Variants in GALNT13 observed in about 807,000 individuals in gnomAD.
GALNT13 encodes the protein UDP-GalNAc:polypeptide N-acetylgalactosaminyltransferase 13.
In GALNT13, 28 loss-of-function variants were observed where a neutral mutation model predicts 64.2. That is an observed-to-expected ratio of 0.44 (90% CI 0.32 to 0.60). GALNT13 has a LOEUF of 0.60. GALNT13 is among the 20% of genes least tolerant of loss of function. GALNT13 has a pLI of 0.05. For missense variants in GALNT13, 577 were observed against 669.8 expected, an observed-to-expected ratio of 0.86 and a Z score of 1.53; for synonymous variants, 214 against 224.6, an observed-to-expected ratio of 0.95 and a Z score of 0.42.
At chr2:153,731,246 T>C in the GALNT13 span, among the ~76,000 whole-genome samples, 1 of 151,822 alleles carries the variant, frequency 6.6e-6, no homozygotes, top group Non-Finnish European at 1.5e-5. Context: ...CCAAATACAA[T>C]AACTCAGAAA....
intron 3 of GALNT13, among the ~76,000 whole-genome samples, chr2:154,032,922 C>A (rs906251996): frequency 7.3e-6 from 1 of 137,620 alleles, no homozygotes; most frequent in East Asian, 2.2e-4. Flanking sequence ...ACTAAAATCA[C>A]GTATTTGTTT....
At chr2:153,204,350 T>TTGTTTCACAGAAGAAAGGCTTC in the GALNT13 span, among the ~76,000 whole-genome samples, 1 of 152,226 alleles carries the variant, frequency 6.6e-6, no homozygotes, top group Non-Finnish European at 1.5e-5. Flanking sequence ...GGTCCTTTAT[T>TTGTTTCACAGAAGAAAGGCTTC]TGTTTCACAG....
chr2:153,327,640 C>T, the GALNT13 span, among the ~76,000 whole-genome samples: 1 of 151,960 alleles, frequency 6.6e-6, no homozygotes, highest in Admixed American at 6.6e-5. Flanking sequence ...TTTTCAGCTC[C>T]ATTAGATCAT....
the GALNT13 span, among the ~76,000 whole-genome samples, chr2:153,779,182 T>A: frequency 1.3e-5 from 2 of 152,212 alleles, no homozygotes; most frequent in African/African-American, 4.8e-5. Context: ...CTTTCCTTTT[T>A]TTTTTCTGTG....
chr2:154,052,893 T>C (rs376941127), intron 3 of GALNT13, among the ~76,000 whole-genome samples: 20 of 151,828 alleles, frequency 1.3e-4, no homozygotes, highest in East Asian at 3.9e-4. Flanking sequence ...CCCGCCACCA[T>C]GCCCGGCTAA....
the GALNT13 span, among the ~76,000 whole-genome samples, chr2:153,071,690 C>G: frequency 6.6e-6 from 1 of 152,190 alleles, no homozygotes; most frequent in African/African-American, 2.4e-5. Context: ...TTCACAAGAA[C>G]ATAATCCCCT....
intron 8 of GALNT13, among the ~76,000 whole-genome samples, chr2:154,296,484 G>A (rs1692930675): frequency 6.6e-6 from 1 of 152,196 alleles, no homozygotes; most frequent in South Asian, 2.1e-4. Context: ...CATAGGAAGG[G>A]AGGGAAAAGC....
intron 4 of GALNT13, among the ~76,000 whole-genome samples, chr2:154,232,414 A>G (rs1337820008): frequency 6.6e-6 from 1 of 152,094 alleles, no homozygotes; most frequent in Admixed American, 6.6e-5. Context: ...CCAGGCCTTG[A>G]TGGACGTTAC....
chr2:154,101,344 C>G (rs1453235803), intron 3 of GALNT13, among the ~76,000 whole-genome samples: 1 of 151,738 alleles, frequency 6.6e-6, no homozygotes, highest in Non-Finnish European at 1.5e-5. Context: ...CATTCTTGCT[C>G]TTTTTAAGGT....
chr2:153,814,840 TA>T, the GALNT13 span, among the ~76,000 whole-genome samples: 1 of 152,356 alleles, frequency 6.6e-6, no homozygotes, highest in South Asian at 2.1e-4. Flanking sequence ...TGTATTATTC[TA>T]AAACACAGTT....
At chr2:153,509,356 G>T in the GALNT13 span, among the ~76,000 whole-genome samples, 3 of 152,226 alleles carry the variant, frequency 2.0e-5, no homozygotes, top group Non-Finnish European at 4.4e-5. Flanking sequence ...CCAGTTCCAC[G>T]GAGTGCGCAG....
At chr2:153,522,467 G>T in the GALNT13 span, among the ~76,000 whole-genome samples, 1 of 152,216 alleles carries the variant, frequency 6.6e-6, no homozygotes, top group East Asian at 1.9e-4. Flanking sequence ...GTCTTCCAAA[G>T]TAGCTTTACT....
intron 4 of GALNT13, among the ~76,000 whole-genome samples, chr2:154,171,386 G>A (rs895569191): frequency 6.6e-6 from 1 of 152,074 alleles, no homozygotes; most frequent in Non-Finnish European, 1.5e-5. Context: ...ATGTAGAAAA[G>A]CATGCTATAA....
chr2:153,411,502 T>C, the GALNT13 span, among the ~76,000 whole-genome samples: 1 of 152,246 alleles, frequency 6.6e-6, no homozygotes, highest in Middle Eastern at 3.4e-3. Context: ...GGGGAAGATG[T>C]ATGCATGAGA....
At chr2:153,248,742 G>C in the GALNT13 span, among the ~76,000 whole-genome samples, 17 of 150,434 alleles carry the variant, frequency 1.1e-4, no homozygotes, top group South Asian at 3.3e-3. Context: ...CGTGAACCCA[G>C]GAAGCGGAGC....
intron 2 of GALNT13, among the ~76,000 whole-genome samples, chr2:153,912,651 T>C (rs1689036875): frequency 6.6e-6 from 1 of 152,130 alleles, no homozygotes. Flanking sequence ...GTCAATTGGA[T>C]TCATTTCTGC....
the GALNT13 span, among the ~76,000 whole-genome samples, chr2:153,657,939 C>A: frequency 6.6e-6 from 1 of 152,044 alleles, no homozygotes. Flanking sequence ...AAAATCCAGG[C>A]TGATCTATTA....
chr2:153,890,255 T>C (rs1420830222), intron 1 of GALNT13, among the ~76,000 whole-genome samples: 1 of 152,034 alleles, frequency 6.6e-6, no homozygotes, highest in African/African-American at 2.4e-5. Context: ...TTTTTAGTTT[T>C]CCTTTTCTGT....
chr2:153,625,556 A>C, the GALNT13 span, among the ~76,000 whole-genome samples: 4 of 152,250 alleles, frequency 2.6e-5, 1 homozygote, highest in Non-Finnish European at 1.5e-5. Flanking sequence ...AGAACTGCTT[A>C]CCACAAAGTA....
Sources: allele counts gnomAD v4.1 joint callset (sites outside exome capture counted in the v4.1 genomes callset), GRCh38; gene constraint gnomAD v4.1.1; transcripts MANE v1.5; gene names NCBI Gene and HGNC (gene_info 2026-07-23, HGNC 2026-07-21).